The following SH2D1A variants were observed in gnomAD, a reference collection of about 807,000 sequenced individuals.
SH2D1A encodes SH2 domain-containing protein 1A.
A neutral mutation model predicts 10.1 loss-of-function variants in SH2D1A; 6 were observed. The observed-to-expected ratio is 0.60, with a 90% CI of 0.33 to 1.18. The LOEUF is 1.18. SH2D1A is among the 50% of genes most tolerant of loss of function. SH2D1A has a pLI of 0.04. For synonymous variants in SH2D1A, 42 were observed against 36.9 expected, an observed-to-expected ratio of 1.14 and a Z score of -0.51; for missense variants, 51 against 97.6, an observed-to-expected ratio of 0.52 and a Z score of 2.01.
In SH2D1A at chrX:124,346,568, G is replaced by A; in HGVS notation, c.-75G>A. 5.2e-6 allele frequency: 6 copies of A among 1,145,867 alleles called. No homozygotes were observed. The South Asian group carries it at 1.1e-4, about 21-fold the overall frequency. 94.4% of individuals were successfully genotyped at this position (1,145,867 alleles called of 1,213,427 possible). The stretch of plus-strand genomic sequence containing the variant: ...GAACTGGGAGTCAGGTGGTTGACTT[G>A]TGCCTGGCTGCAGTAGCAGCGGCAT... On this transcript the variant is annotated 5_prime_UTR_variant, in exon 1 of 4. It adds an upstream start codon to the 5' untranslated region. Coordinates refer to ENST00000371139, the MANE Select transcript of SH2D1A (RefSeq NM_002351.5).
chrX:124,371,224 T>G, intron 3 of SH2D1A, 127 bp from the exon 4 acceptor site: 2 of 445,035 alleles, frequency 4.5e-6, no homozygotes, highest in Non-Finnish European at 7.8e-6. Flanking sequence ...AATAGTTGCT[T>G]GAGGTATATT....
chrX:124,364,535 C>T (rs1324758880), intron 1 of SH2D1A: 3 of 190,100 alleles, frequency 1.6e-5, no homozygotes, highest in South Asian at 7.0e-5. Flanking sequence ...GAGACAATCT[C>T]GCTCCGTCAC....
At chrX:124,349,392 G>C (rs995125222) in intron 1 of SH2D1A, among the ~76,000 whole-genome samples, 4 of 111,395 alleles carry the variant, frequency 3.6e-5, no homozygotes, top group African/African-American at 1.3e-4. Context: ...TATAAAATCA[G>C]ATTTTATTTA....
intron 1 of SH2D1A, among the ~76,000 whole-genome samples, chrX:124,353,366 T>A (rs2060019612): frequency 8.9e-6 from 1 of 112,056 alleles, no homozygotes; most frequent in South Asian, 3.7e-4. Context: ...TGCTGATTTT[T>A]AAAAATCATA....
chrX:124,371,058 A>G (rs983053693), intron 3 of SH2D1A, among the ~76,000 whole-genome samples: 22 of 111,876 alleles, frequency 2.0e-4, no homozygotes, highest in Admixed American at 6.6e-4. Flanking sequence ...ACAGGGACCT[A>G]GGCTCAGGCA....
chrX:124,357,316 A>T (rs919233866), intron 1 of SH2D1A, among the ~76,000 whole-genome samples: 1 of 112,222 alleles, frequency 8.9e-6, no homozygotes, highest in Non-Finnish European at 1.9e-5. Flanking sequence ...AAATGACAAG[A>T]TTTCCTTTGT....
intron 1 of SH2D1A, among the ~76,000 whole-genome samples, chrX:124,350,294 T>TA (rs1415067532): frequency 2.9e-5 from 1 of 34,683 alleles, no homozygotes; most frequent in Non-Finnish European, 4.4e-5. Context: ...ATATAATATA[T>TA]AATATATAAA....
intron 1 of SH2D1A, among the ~76,000 whole-genome samples, chrX:124,363,393 T>C (rs1386618054): frequency 9.0e-6 from 1 of 111,640 alleles, no homozygotes; most frequent in African/African-American, 3.3e-5. Context: ...TAGGGTAATA[T>C]AGTAATACAG....
At chrX:124,367,197 A>G (rs1216626183) in intron 2 of SH2D1A, among the ~76,000 whole-genome samples, 5 of 112,290 alleles carry the variant, frequency 4.5e-5, no homozygotes, top group African/African-American at 1.3e-4. Flanking sequence ...TTCTGCACCA[A>G]GAGAGCAGAA....
At chrX:124,363,301 T>C (rs1790346948) in intron 1 of SH2D1A, among the ~76,000 whole-genome samples, 1 of 112,020 alleles carries the variant, frequency 8.9e-6, no homozygotes, top group African/African-American at 3.2e-5. Flanking sequence ...GAGTTGCTCT[T>C]CCACAAAAGT....
intron 1 of SH2D1A, among the ~76,000 whole-genome samples, chrX:124,350,445 TA>T (rs2060008466): frequency 8.8e-5 from 2 of 22,687 alleles, no homozygotes; most frequent in Non-Finnish European, 1.4e-4. Context: ...ATATAATATA[TA>T]AATATATATT....
At position 124,355,763 on chromosome X, in the gene SH2D1A, A is replaced by T. The variant is rs141076518; in HGVS notation, c.137+8984A>T. Among the ~76,000 whole-genome samples, 12 of 112,228 alleles carry T rather than the reference A, an allele frequency of 1.1e-4. No individual in the cohort carries two copies. The East Asian group carries it at 3.1e-3, about 29-fold the overall frequency. ...ACTACATGAAAAAATAACATGCAAG[A>T]ATGCATTTACGTTAGTTTAAATTTA... On this transcript the variant is annotated intron_variant, in intron 1 of 3. Transcript: ENST00000371139.
chrX:124,369,153 TCGC>T (rs1176908208), intron 2 of SH2D1A, among the ~76,000 whole-genome samples: 1 of 111,350 alleles, frequency 9.0e-6, no homozygotes, highest in Non-Finnish European at 1.9e-5. Context: ...GTCTTCATGC[TCGC>T]CTTCATGTTT....
chrX:124,369,786 T>G (rs2060064950), intron 2 of SH2D1A, among the ~76,000 whole-genome samples: 2 of 109,604 alleles, frequency 1.8e-5, no homozygotes, highest in Non-Finnish European at 3.8e-5. Flanking sequence ...CTGTAGGATC[T>G]GTTTTTTTGT....
At chrX:124,349,733 T>C (rs956264456) in intron 1 of SH2D1A, among the ~76,000 whole-genome samples, 6 of 111,044 alleles carry the variant, frequency 5.4e-5, no homozygotes, top group African/African-American at 1.6e-4. Flanking sequence ...TATGGCCTTT[T>C]CTTCTGTTCT....
At chrX:124,350,987 ATATATATATTATAAATATGTATATTTT>A (rs1204123183) in intron 1 of SH2D1A, among the ~76,000 whole-genome samples, 7 of 41,541 alleles carry the variant, frequency 1.7e-4, no homozygotes, top group Non-Finnish European at 2.5e-4. Context: ...ATAATATATT[ATATATATATTATAAATATGTATATTTT>A]TATATATTAT....
At chrX:124,368,346 G>A (rs2060061019) in intron 2 of SH2D1A, among the ~76,000 whole-genome samples, 1 of 111,001 alleles carries the variant, frequency 9.0e-6, no homozygotes, top group Non-Finnish European at 1.9e-5. Flanking sequence ...TCACCATGTT[G>A]CCCAGGCTGG....
chrX:124,366,876 A>C (rs202165547), intron 2 of SH2D1A, among the ~76,000 whole-genome samples: 2 of 87,093 alleles, frequency 2.3e-5, no homozygotes, highest in African/African-American at 4.1e-5. Flanking sequence ...TATACTGACA[A>C]ACACACACAC....
intron 1 of SH2D1A, 60 bp downstream of exon 1, chrX:124,346,839 T>A: frequency 8.4e-7 from 1 of 1,190,366 alleles, no homozygotes; most frequent in Non-Finnish European, 1.1e-6. Flanking sequence ...CAACAGCAGC[T>A]GGGGCCAGGG....
Sources: gnomAD v4.1 joint callset for allele counts (sites outside exome capture counted in the v4.1 genomes callset) on GRCh38, gnomAD v4.1.1 for gene constraint, MANE v1.5 for transcripts, NCBI Gene and HGNC (gene_info 2026-07-23, HGNC 2026-07-21) for gene names.